The following IL1RAPL1 variants were observed in gnomAD, a reference collection of about 807,000 sequenced individuals.
The protein encoded by IL1RAPL1 is interleukin 1 receptor accessory protein like 1.
A neutral mutation model predicts 48.4 loss-of-function variants in IL1RAPL1; 3 were observed. The observed-to-expected ratio is 0.06, with a 90% CI of 0.03 to 0.16. The LOEUF (loss-of-function observed/expected upper bound fraction) is 0.16, where lower values mean the gene tolerates loss of function less well. Among genes scored for constraint, IL1RAPL1 ranks in the 10% least tolerant of loss-of-function variants. The pLI is 1.00. For synonymous variants in IL1RAPL1, 185 were observed against 187.7 expected (o/e 0.99, Z 0.12); for missense variants, 349 against 530.6 (o/e 0.66, Z 3.36).
At chrX:29,088,672 C>CAAAAAAAAAAAAAAA (rs1182451817) in intron 2 of IL1RAPL1, among the ~76,000 whole-genome samples, 1 of 32,881 alleles carries the variant, frequency 3.0e-5, no homozygotes, top group Non-Finnish European at 5.6e-5. Flanking sequence ...CACTCCTTCT[C>CAAAAAAAAAAAAAAA]AAAAAAAAAA....
intron 2 of IL1RAPL1, among the ~76,000 whole-genome samples, chrX:29,038,000 A>G (rs758382703): frequency 9.0e-6 from 1 of 111,187 alleles, no homozygotes; most frequent in Non-Finnish European, 1.9e-5. Context: ...CCCAGAGCCA[A>G]TTAGTGGATC....
chrX:29,600,876 G>A (rs953357584), intron 5 of IL1RAPL1, among the ~76,000 whole-genome samples: 2 of 111,047 alleles, frequency 1.8e-5, no homozygotes, highest in Non-Finnish European at 3.8e-5. Context: ...ATCTCACCCC[G>A]CTCCCACACA....
intron 6 of IL1RAPL1, among the ~76,000 whole-genome samples, chrX:29,714,013 C>T (rs988973315): frequency 2.7e-5 from 3 of 111,180 alleles, no homozygotes; most frequent in African/African-American, 9.8e-5. Context: ...GGGTAATGTT[C>T]CAGAAAAGTA....
At chrX:29,349,564 G>A (rs919948254) in intron 3 of IL1RAPL1, among the ~76,000 whole-genome samples, 7 of 111,299 alleles carry the variant, frequency 6.3e-5, no homozygotes, top group Admixed American at 1.9e-4. Context: ...TTTCATTTTG[G>A]GGCATTGTTT....
intron 1 of IL1RAPL1, among the ~76,000 whole-genome samples, chrX:28,690,405 T>C (rs1935164719): frequency 9.0e-6 from 1 of 111,681 alleles, no homozygotes; most frequent in Non-Finnish European, 1.9e-5. Flanking sequence ...AATGTTAATG[T>C]GGTTTATGTT....
chrX:29,875,582 C>G (rs1457124166), intron 6 of IL1RAPL1, among the ~76,000 whole-genome samples: 1 of 111,625 alleles, frequency 9.0e-6, no homozygotes, highest in African/African-American at 3.3e-5. Context: ...GGTTGGAGAA[C>G]CATTGTCCCT....
intron 5 of IL1RAPL1, among the ~76,000 whole-genome samples, chrX:29,402,553 C>A (rs113619623): frequency 0.021 from 2,372 of 111,836 alleles, 69 homozygotes; most frequent in African/African-American, 0.073. Flanking sequence ...GAAATCCCAT[C>A]TAGCCTGCAT....
intron 6 of IL1RAPL1, among the ~76,000 whole-genome samples, chrX:29,796,424 C>T (rs977736603): frequency 9.0e-6 from 1 of 111,674 alleles, no homozygotes; most frequent in Non-Finnish European, 1.9e-5. Context: ...GTTTCTTGCC[C>T]AGCCCATTCT....
At chrX:29,551,634 C>T (rs766984739) in intron 5 of IL1RAPL1, among the ~76,000 whole-genome samples, 4 of 111,296 alleles carry the variant, frequency 3.6e-5, no homozygotes, top group African/African-American at 9.8e-5. Context: ...TATTCATGTA[C>T]GTAATGAACT....
chrX:28,681,663 A>G, intron 1 of IL1RAPL1, among the ~76,000 whole-genome samples: 1 of 112,246 alleles, frequency 8.9e-6, no homozygotes, highest in South Asian at 3.7e-4. Context: ...CTCGCCACAA[A>G]AAGGAAAATA....
intron 2 of IL1RAPL1, among the ~76,000 whole-genome samples, chrX:29,081,018 CTCTTTCTTT>C (rs1927819197): frequency 2.6e-4 from 14 of 54,352 alleles, no homozygotes; most frequent in Non-Finnish European, 4.5e-4. Flanking sequence ...CTCTCTCTCT[CTCTTTCTTT>C]TCTTTTCTTT....
chrX:29,821,298 A>C (rs1930610433), intron 6 of IL1RAPL1, among the ~76,000 whole-genome samples: 1 of 109,253 alleles, frequency 9.2e-6, no homozygotes, highest in Admixed American at 9.9e-5. Flanking sequence ...AAAATACAAA[A>C]AATTAGCCGG....
intron 6 of IL1RAPL1, among the ~76,000 whole-genome samples, chrX:29,846,800 A>ATATATG (rs1423874537): frequency 1.7e-3 from 62 of 37,540 alleles, no homozygotes; most frequent in African/African-American, 6.4e-3. Context: ...ATATATGTAT[A>ATATATG]TACACACACA....
At chrX:28,723,242 AGGC>A (rs1935615674) in intron 1 of IL1RAPL1, among the ~76,000 whole-genome samples, 1 of 110,763 alleles carries the variant, frequency 9.0e-6, no homozygotes, top group Non-Finnish European at 1.9e-5. Flanking sequence ...TTTGATTGGT[AGGC>A]TATTAATTAT....
intron 6 of IL1RAPL1, among the ~76,000 whole-genome samples, chrX:29,885,220 T>TC (rs1569193907): frequency 9.0e-6 from 1 of 110,612 alleles, no homozygotes; most frequent in Non-Finnish European, 1.9e-5. Context: ...CTCCAAGTTT[T>TC]TTCTCAAATG....
intron 9 of IL1RAPL1, among the ~76,000 whole-genome samples, chrX:29,944,892 A>G (rs1021003105): frequency 3.6e-5 from 4 of 110,456 alleles, no homozygotes. Flanking sequence ...GGAATTTCAG[A>G]CATTCTTACC....
intron 6 of IL1RAPL1, among the ~76,000 whole-genome samples, chrX:29,770,539 A>T (rs1401816564): frequency 1.8e-5 from 2 of 111,888 alleles, no homozygotes; most frequent in Non-Finnish European, 3.8e-5. Flanking sequence ...TAACAACACA[A>T]GGCTATGAGG....
intron 2 of IL1RAPL1, among the ~76,000 whole-genome samples, chrX:29,231,403 T>G (rs1363280145): frequency 8.9e-6 from 1 of 112,034 alleles, no homozygotes; most frequent in East Asian, 2.8e-4. Context: ...GGTTTTAGGT[T>G]GAACATTTTG....
chrX:29,643,040 A>C (rs181366693), intron 5 of IL1RAPL1, among the ~76,000 whole-genome samples: 9 of 112,687 alleles, frequency 8.0e-5, no homozygotes, highest in Non-Finnish European at 1.7e-4. Flanking sequence ...AAATTAAATT[A>C]ATATATCACT....
Sources: gnomAD v4.1 joint callset for allele counts (sites outside exome capture counted in the v4.1 genomes callset) on GRCh38, gnomAD v4.1.1 for gene constraint, MANE v1.5 for transcripts, NCBI Gene and HGNC (gene_info 2026-07-23, HGNC 2026-07-21) for gene names.